The following NBPF26 variants were observed in gnomAD, a reference collection of about 807,000 sequenced individuals.
NBPF26 encodes the protein NBPF family member NBPF26.
A neutral mutation model predicts 119.6 loss-of-function variants in NBPF26; 79 were observed. The ratio of observed to expected loss-of-function variants is 0.66; its 90% confidence interval spans 0.55 to 0.80. The LOEUF (loss-of-function observed/expected upper bound fraction) is 0.80, where lower values mean the gene tolerates loss of function less well. Among genes scored for constraint, NBPF26 ranks in the 30% least tolerant of loss-of-function variants. The probability of loss-of-function intolerance (pLI) is 0.00; values close to 1 mark genes in which losing one functional copy is unlikely to be tolerated. For synonymous variants in NBPF26, 299 were observed against 457.7 expected (o/e 0.65, Z 4.43); for missense variants, 800 against 1,198.2 (o/e 0.67, Z 4.91).
In NBPF26 at chr1:120,840,242, A is replaced by G. The variant is rs77928787; in HGVS notation, c.4104-108A>G. ...TTTTTTTTACCTCATTAATGGATCT[A>G]TCCTTTTTCTTTTCTAACCACTTCC... On this transcript the variant is annotated intron_variant, in intron 29 of 29. Coordinates refer to ENST00000620612, the Ensembl canonical transcript of NBPF26. 7.1e-5 allele frequency: 100 copies of G among 1,409,314 alleles called. 30 individuals carry two copies. In the African/African-American group the frequency reaches 2.4e-3, roughly 34 times the overall value. 87.3% of individuals were successfully genotyped at this position (1,409,314 alleles called of 1,614,324 possible).
At chr1:120,759,898 G>A (rs1351053724) in intron 1 of NBPF26, among the ~76,000 whole-genome samples, 1 of 105,538 alleles carries the variant, frequency 9.5e-6, no homozygotes, top group Non-Finnish European at 1.7e-5. Flanking sequence ...ACCACTCTAT[G>A]CAATATATCT....
rs1428653975 is a variant in NBPF26 at position 120,761,080 on chromosome 1, C to T, written c.74-2548C>T. Among the ~76,000 whole-genome samples, 23 of 125,168 alleles carry T rather than the reference C, an allele frequency of 1.8e-4. 1 individual carries two copies. The highest frequency in any genetic ancestry group is 3.3e-4 in the Non-Finnish European group (20 of 60,822). 82.1% of individuals were successfully genotyped at this position (125,168 alleles called of 152,430 possible). A position where few individuals can be genotyped will look rare whatever the true frequency, so the allele number is the denominator to read the frequency against. ...ATTAATTATTAGCCTGGTAAGCCCA[C>T]CTTCTTTTCAGTCACTGAGTTTGAT... On this transcript the variant is annotated intron_variant, in intron 1 of 29. Transcript: ENST00000620612.
intron 1 of NBPF26, among the ~76,000 whole-genome samples, chr1:120,724,624 C>T (rs1190220073): frequency 8.3e-6 from 1 of 120,280 alleles, no homozygotes; most frequent in East Asian, 2.1e-4. Flanking sequence ...CGGCGGGCCT[C>T]GGAGGGGCTG....
chr1:120,813,343 C>A (rs1651923223), intron 10 of NBPF26, among the ~76,000 whole-genome samples: 1 of 127,896 alleles, frequency 7.8e-6, no homozygotes, highest in Non-Finnish European at 1.6e-5. Context: ...GGCATATTTC[C>A]TTCATGGCCT....
At chr1:120,801,743 C>A (rs1446413716) in intron 4 of NBPF26, among the ~76,000 whole-genome samples, 1 of 96,034 alleles carries the variant, frequency 1.0e-5, no homozygotes, top group African/African-American at 6.8e-5. Context: ...GCAGGAGGAT[C>A]GCTTGAGCCT....
rs1553271099 is a variant in NBPF26, at chr1:120,812,121, G to A, written c.1774+26G>A. 27 of 1,109,752 alleles carry A rather than the reference G, an allele frequency of 2.4e-5. 4 individuals are homozygous for A. Among genetic ancestry groups the A allele is most frequent in the East Asian group, 4.8e-5 (2 of 41,970 alleles). 68.7% of individuals were successfully genotyped at this position (1,109,752 alleles called of 1,614,324 possible). A position where few individuals can be genotyped will look rare whatever the true frequency, so the allele number is the denominator to read the frequency against. On this transcript the variant is annotated intron_variant, in intron 10 of 29. Transcript: ENST00000620612. ...GTAAGATCTATTGGCTCACCATCAC[G>A]AAAGTGATGAACGAGGTCCTGTCTT...
At chr1:120,808,425 G>A in intron 6 of NBPF26, 120 bp from the exon 7 acceptor site, 2 of 902,066 alleles carry the variant, frequency 2.2e-6, no homozygotes, top group East Asian at 2.4e-5. Flanking sequence ...CTTTCAACGT[G>A]TGCTGACCTT....
intron 10 of NBPF26, among the ~76,000 whole-genome samples, chr1:120,813,525 A>T (rs1204290580): frequency 7.8e-6 from 1 of 127,726 alleles, no homozygotes; most frequent in Non-Finnish European, 1.6e-5. Context: ...CAACTGTACA[A>T]GAAATCACTA....
At chr1:120,817,403 G>T (rs1187271743) in intron 14 of NBPF26, among the ~76,000 whole-genome samples, 1 of 24,642 alleles carries the variant, frequency 4.1e-5, no homozygotes, top group Non-Finnish European at 6.6e-5. Flanking sequence ...ATGTTTCTTT[G>T]TAGCATCGTG....
In NBPF26 at chr1:120,724,398, G is replaced by C; in HGVS notation, c.73+148G>C. The C allele has an allele frequency of 1.3e-5, 18 of 1,346,342 alleles. 4 individuals are homozygous for C. Among genetic ancestry groups the C allele is most frequent in the Non-Finnish European group, 1.6e-5 (17 of 1,030,446 alleles). The allele number at this position is 1,346,342 out of a possible 1,614,324, so 83.4% of individuals were successfully genotyped here. A position where few individuals can be genotyped will look rare whatever the true frequency, so the allele number is the denominator to read the frequency against. On this transcript the variant is annotated intron_variant, in intron 1 of 29. Transcript: ENST00000620612. The stretch of plus-strand genomic sequence containing the variant: ...CCACTCGCTGGGTTCCCAAGAGTTT[G>C]GACATCGCCGGGGGCCCCTCCCGTG...
chr1:120,760,956 C>T (rs1651131077), intron 1 of NBPF26, among the ~76,000 whole-genome samples: 1 of 121,026 alleles, frequency 8.3e-6, no homozygotes, highest in Non-Finnish European at 1.7e-5. Flanking sequence ...TTTTAAAAAG[C>T]CCTCCAAGTG....
chr1:120,752,552 ATATTTTT>A (rs1161225490), intron 1 of NBPF26, among the ~76,000 whole-genome samples: 2 of 8,974 alleles, frequency 2.2e-4, no homozygotes, highest in East Asian at 5.2e-3. Context: ...ATATATATAT[ATATTTTT>A]TTTTTTTTTT....
chr1:120,840,744 G>T, downstream of NBPF26: 11 of 1,142,624 alleles, frequency 9.6e-6, 1 homozygote, highest in African/African-American at 2.8e-5. Context: ...CCATGCCAGT[G>T]GCAACCTGTG....
In NBPF26 at chr1:120,812,203, T is replaced by A. The variant is rs1336381092; in HGVS notation, c.1774+108T>A. On this transcript the variant is annotated intron_variant, in intron 10 of 29. Transcript: ENST00000620612. Reference sequence around the variant, plus strand: ...AAAATAATGTCATCCTCCCCGTACTTCTAGGAAAACAGAAATGGGTATTTT... The same window carrying A: ...AAAATAATGTCATCCTCCCCGTACTACTAGGAAAACAGAAATGGGTATTTT... The A allele has an allele frequency of 6.2e-6, 5 of 804,804 alleles. 1 individual carries two copies. The highest frequency in any genetic ancestry group is 9.7e-6 in the Non-Finnish European group (5 of 515,274). The allele number at this position is 804,804 out of a possible 1,614,324, so 49.9% of individuals were successfully genotyped here. A position where few individuals can be genotyped will look rare whatever the true frequency, so the allele number is the denominator to read the frequency against.
rs1222494965 is a variant in NBPF26, at chr1:120,838,502, C to CTCTT, written c.3822-240_3822-239insTTCT. On this transcript the variant is annotated intron_variant, in intron 27 of 29. Coordinates refer to ENST00000620612, the Ensembl canonical transcript of NBPF26. ...TTCACTGAGCTCGTTCTCTCTCTCT[C>CTCTT]TCTCTCTGTGTGTGTGTGTGTGTGT... is the stretch of plus-strand genomic sequence containing the variant. 1.1e-3 allele frequency among the ~76,000 whole-genome samples: 91 copies of CTCTT among 79,756 alleles called. 6 individuals carry two copies. Among genetic ancestry groups the CTCTT allele is most frequent in the African/African-American group, 5.0e-3 (88 of 17,502 alleles). The allele number at this position is 79,756 out of a possible 152,430, so 52.3% of individuals were successfully genotyped here.
chr1:120,767,828 G>A (rs1248846990), intron 2 of NBPF26, among the ~76,000 whole-genome samples: 1 of 110,804 alleles, frequency 9.0e-6, no homozygotes, highest in Non-Finnish European at 1.7e-5. Context: ...CTGGGGGTAG[G>A]TTAGGTTATG....
intron 13 of NBPF26, 138 bp from the exon 14 acceptor site, chr1:120,816,484 T>A (rs1306202194): frequency 0.022 from 7,994 of 356,796 alleles, 188 homozygotes; most frequent in South Asian, 0.038. Flanking sequence ...GATTGCATGT[T>A]CCCTCTTAAT....
rs1449602318 is a variant in NBPF26, at chr1:120,794,132, G to T, written c.751+636G>T. On this transcript the variant is annotated intron_variant, in intron 4 of 29. Coordinates refer to ENST00000620612, the Ensembl canonical transcript of NBPF26. The stretch of plus-strand genomic sequence containing the variant: ...AGCACTTTTTGATGAGCTGATAGAT[G>T]ATATATGAGAGACTATGTGTGGCAC... 3.6e-5 allele frequency among the ~76,000 whole-genome samples: 4 copies of T among 112,288 alleles called. 2 individuals are homozygous for T. Among genetic ancestry groups the T allele is most frequent in the Non-Finnish European group, 6.7e-5 (4 of 59,568 alleles). The allele number at this position is 112,288 out of a possible 152,430, so 73.7% of individuals were successfully genotyped here.
chr1:120,770,660 A>T (rs1259825647), intron 2 of NBPF26, among the ~76,000 whole-genome samples: 1 of 120,688 alleles, frequency 8.3e-6, no homozygotes, highest in Non-Finnish European at 1.6e-5. Flanking sequence ...AAGCTAAGAG[A>T]AGTTAAATAA....
Sources: gnomAD v4.1 joint callset for allele counts (sites outside exome capture counted in the v4.1 genomes callset) on GRCh38, gnomAD v4.1.1 for gene constraint, MANE v1.5 for transcripts, NCBI Gene and HGNC (gene_info 2026-07-23, HGNC 2026-07-21) for gene names.